The following MTPAP variants were observed in gnomAD, a reference collection of about 807,000 sequenced individuals.
MTPAP encodes the protein mitochondrial poly(A) polymerase.
Under a neutral mutation model 48.7 loss-of-function variants are expected in MTPAP, and 23 were observed. That is an observed-to-expected ratio of 0.47 (90% confidence interval 0.34 to 0.67). The LOEUF is 0.67. MTPAP is among the 30% of genes least tolerant of loss of function. The probability of loss-of-function intolerance (pLI) is 0.01; values close to 1 mark genes in which losing one functional copy is unlikely to be tolerated. For missense variants in MTPAP, 614 were observed against 694.3 expected, an observed-to-expected ratio of 0.88 and a Z score of 1.30; for synonymous variants, 257 against 254.1, an observed-to-expected ratio of 1.01 and a Z score of -0.11.
chr10:30,326,907 T>G (rs899862311), intron 4 of MTPAP, among the ~76,000 whole-genome samples: 1 of 152,144 alleles, frequency 6.6e-6, no homozygotes, highest in Non-Finnish European at 1.5e-5. Flanking sequence ...AACTACAGTA[T>G]AAAATGAATC....
At chr10:30,345,918 C>T (rs889493619) in intron 1 of MTPAP, among the ~76,000 whole-genome samples, 2 of 151,730 alleles carry the variant, frequency 1.3e-5, no homozygotes, top group Admixed American at 6.6e-5. Flanking sequence ...TGTGGTAACG[C>T]GTGCCTGTAA....
intron 5 of MTPAP, among the ~76,000 whole-genome samples, chr10:30,325,732 A>C (rs1429399892): frequency 6.6e-6 from 1 of 152,130 alleles, no homozygotes; most frequent in African/African-American, 2.4e-5. Context: ...CCTAGGCAAC[A>C]GAGTAAGACT....
At chr10:30,335,577 G>A (rs1051570738) in intron 4 of MTPAP, among the ~76,000 whole-genome samples, 1 of 152,166 alleles carries the variant, frequency 6.6e-6, no homozygotes, top group Non-Finnish European at 1.5e-5. Context: ...GGATGGAAGA[G>A]ACACTGGTTA....
intron 4 of MTPAP, among the ~76,000 whole-genome samples, chr10:30,332,559 G>C (rs1173659690): frequency 2.6e-5 from 4 of 152,130 alleles, no homozygotes; most frequent in African/African-American, 9.7e-5. Context: ...CTCCCAAAGT[G>C]GTAGGATTAC....
chr10:30,313,279 G>T lies in MTPAP; in HGVS notation c.*330C>A. 3.8e-6 allele frequency: 1 copy of T among 261,434 alleles called. No homozygotes were observed. Among genetic ancestry groups the T allele is most frequent in the African/African-American group, 2.2e-5 (1 of 45,292 alleles). 16.2% of individuals were successfully genotyped at this position (261,434 alleles called of 1,614,324 possible). A position where few individuals can be genotyped will look rare whatever the true frequency, so the allele number is the denominator to read the frequency against. The stretch of plus-strand genomic sequence containing the variant: ...CTTATGTTTATTTTCATTTTTTTTA[G>T]AGATGGAATCTTGCTATGTTGTCCA... On this transcript the variant is annotated 3_prime_UTR_variant, in exon 9 of 9. Coordinates refer to ENST00000263063, the MANE Select transcript of MTPAP (RefSeq NM_018109.4).
intron 3 of MTPAP, among the ~76,000 whole-genome samples, chr10:30,338,309 AACATAACAT>A (rs1834754595): frequency 7.9e-6 from 1 of 126,760 alleles, no homozygotes; most frequent in Non-Finnish European, 1.9e-5. Context: ...TTAACATAAC[AACATAACAT>A]TAACATAACA....
intron 3 of MTPAP, 40 bp downstream of exon 3, chr10:30,340,186 A>C (rs1436383278): frequency 1.2e-5 from 17 of 1,471,316 alleles, no homozygotes; most frequent in Non-Finnish European, 1.6e-5. Flanking sequence ...TCATAAAAAA[A>C]TACATAGTTC....
chr10:30,348,164 G>T (rs4749553), intron 1 of MTPAP, among the ~76,000 whole-genome samples: 106,978 of 152,076 alleles, frequency 0.7, 37,863 homozygotes, highest in Admixed American at 0.78. Context: ...ACTTAGAAAT[G>T]TTCAACAGAA....
chr10:30,339,173 C>A (rs1366991484), intron 3 of MTPAP, among the ~76,000 whole-genome samples: 1 of 151,276 alleles, frequency 6.6e-6, no homozygotes, highest in Non-Finnish European at 1.5e-5. Flanking sequence ...CAAATACAAA[C>A]AATATTTGAA....
chr10:30,332,205 CA>C lies in MTPAP; in HGVS notation c.780+4597del, dbSNP rs565375277. ...AAGCTATTATAATCTTGAACAAAAA[CA>C]TATTTCCAAAAAATCCTTAAATAAG... On this transcript the variant is annotated intron_variant, in intron 4 of 8. Transcript: ENST00000263063. 6.0e-3 allele frequency among the ~76,000 whole-genome samples: 907 copies of C among 152,272 alleles called. 7 individuals carry two copies. Among genetic ancestry groups the C allele is most frequent in the Non-Finnish European group, 9.9e-3 (671 of 68,008 alleles).
chr10:30,322,197 C>G (rs886726183), intron 6 of MTPAP, among the ~76,000 whole-genome samples, 194 bp downstream of exon 6: 1 of 152,108 alleles, frequency 6.6e-6, no homozygotes, highest in Non-Finnish European at 1.5e-5. Context: ...ACAAAGAAAA[C>G]AGAACTCTCA....
intron 4 of MTPAP, among the ~76,000 whole-genome samples, chr10:30,332,199 C>T (rs536073210): frequency 3.9e-5 from 6 of 152,184 alleles, no homozygotes; most frequent in South Asian, 4.1e-4. Context: ...TAATCTTGAA[C>T]AAAAACATAT....
chr10:30,347,347 A>G (rs1834885279), intron 1 of MTPAP, among the ~76,000 whole-genome samples: 1 of 152,246 alleles, frequency 6.6e-6, no homozygotes, highest in Non-Finnish European at 1.5e-5. Flanking sequence ...CTCACACTGA[A>G]TGAAAAACTG....
rs1229116378 is a variant in MTPAP, at chr10:30,313,042, C to T, written c.*567G>A. On this transcript the variant is annotated 3_prime_UTR_variant, in exon 9 of 9. Coordinates refer to ENST00000263063, the MANE Select transcript of MTPAP (RefSeq NM_018109.4). ...ACTTCGCTTGAAAAATACAAATATA[C>T]ATATTCGAGAGCACTACCAAATTTT... 2 of 154,418 alleles carry T rather than the reference C, an allele frequency of 1.3e-5. No individual in the cohort carries two copies. Among genetic ancestry groups the T allele is most frequent in the Non-Finnish European group, 2.9e-5 (2 of 69,628 alleles). The allele number at this position is 154,418 out of a possible 1,614,324, so 9.6% of individuals were successfully genotyped here. A position where few individuals can be genotyped will look rare whatever the true frequency, so the allele number is the denominator to read the frequency against.
chr10:30,337,098 T>C, intron 3 of MTPAP, 71 bp from the exon 4 acceptor site: 1 of 1,342,774 alleles, frequency 7.4e-7, no homozygotes. Flanking sequence ...CCATTTTACT[T>C]TCAAAGATTT....
chr10:30,339,101 C>A (rs182159567), intron 3 of MTPAP, among the ~76,000 whole-genome samples: 1 of 151,802 alleles, frequency 6.6e-6, no homozygotes, highest in Non-Finnish European at 1.5e-5. Context: ...CCAGCCTGGG[C>A]GACAGAGCAA....
chr10:30,339,097 TG>T (rs1446092807), intron 3 of MTPAP, among the ~76,000 whole-genome samples: 20 of 152,082 alleles, frequency 1.3e-4, no homozygotes, highest in African/African-American at 4.8e-4. Flanking sequence ...CACTCCAGCC[TG>T]GGCGACAGAG....
rs540906028 is a variant in MTPAP, at chr10:30,322,337, T to C, written c.1219+54A>G. On this transcript the variant is annotated intron_variant, in intron 6 of 8. Transcript: ENST00000263063. ...GGACTTTGGTAACACATGGTAATTA[T>C]ATTTACTCATAACATTGGAAAAAGA... The C allele has an allele frequency of 2.2e-6, 3 of 1,349,912 alleles. No individual in the cohort carries two copies. The South Asian group carries it at 3.5e-5, about 16-fold the overall frequency. 83.6% of individuals were successfully genotyped at this position (1,349,912 alleles called of 1,614,324 possible).
chr10:30,344,054 T>C (rs534081730), intron 1 of MTPAP, among the ~76,000 whole-genome samples: 33 of 151,460 alleles, frequency 2.2e-4, no homozygotes, highest in Admixed American at 1.8e-3. Context: ...AAAATGGTCT[T>C]TTTTTTTTAA....
Sources: allele counts gnomAD v4.1 joint callset (sites outside exome capture counted in the v4.1 genomes callset), GRCh38; gene constraint gnomAD v4.1.1; transcripts MANE v1.5; gene names NCBI Gene and HGNC (gene_info 2026-07-23, HGNC 2026-07-21).